Variants in FHIT observed in about 807,000 individuals in gnomAD.
The protein encoded by FHIT is fragile histidine triad diadenosine triphosphatase, also known as bis(5'-adenosyl)-triphosphatase.
Under a neutral mutation model 17.9 loss-of-function variants are expected in FHIT, and 19 were observed. That is an observed-to-expected ratio of 1.06 (90% CI 0.74 to 1.56). The LOEUF (loss-of-function observed/expected upper bound fraction) is 1.56, where lower values mean the gene tolerates loss of function less well. FHIT is among the 40% of genes most tolerant of loss of function. FHIT has a pLI of 0.00. For synonymous variants in FHIT, 81 were observed against 69.7 expected (o/e 1.16, Z -0.81); for missense variants, 248 against 189.2 (o/e 1.31, Z -1.82).
rs1208089442 is a variant in FHIT at position 60,676,905 on chromosome 3, C to T, written c.-17-139926G>A. Among the ~76,000 whole-genome samples the T allele has an allele frequency of 3.9e-5, 6 of 152,132 alleles. No individual in the cohort carries two copies. The East Asian group carries it at 9.6e-4, about 24-fold the overall frequency. Reference sequence around the variant, plus strand: ...TATTGTTGTTTTTGAGACAGGGTCTCATAATGTCACCTAGGCTGGAATGCC... The same window carrying T: ...TATTGTTGTTTTTGAGACAGGGTCTTATAATGTCACCTAGGCTGGAATGCC... On this transcript the variant is annotated intron_variant, in intron 4 of 9. Transcript: ENST00000492590.
intron 4 of FHIT, among the ~76,000 whole-genome samples, chr3:60,590,643 T>C (rs781985426): frequency 9.2e-5 from 14 of 152,158 alleles, no homozygotes; most frequent in Non-Finnish European, 1.8e-4. Flanking sequence ...ATTTTGCAAC[T>C]TCTGTGTGCA....
intron 3 of FHIT, among the ~76,000 whole-genome samples, chr3:60,913,736 A>C (rs1306199731): frequency 6.6e-6 from 1 of 152,196 alleles, no homozygotes; most frequent in African/African-American, 2.4e-5. Context: ...GCAAGATGCA[A>C]GCTGGCTTCC....
intron 8 of FHIT, among the ~76,000 whole-genome samples, chr3:59,846,351 T>G (rs1011208786): frequency 2.0e-5 from 3 of 152,148 alleles, no homozygotes; most frequent in Admixed American, 2.0e-4. Flanking sequence ...CAGCTTAACT[T>G]CTATAACATA....
chr3:60,190,870 G>C (rs1702373075), intron 5 of FHIT, among the ~76,000 whole-genome samples: 1 of 152,062 alleles, frequency 6.6e-6, no homozygotes, highest in African/African-American at 2.4e-5. Flanking sequence ...TTGAATCCGG[G>C]AGGTGGAGGT....
chr3:60,612,441 A>G (rs1553673995), intron 4 of FHIT, among the ~76,000 whole-genome samples: 2 of 152,226 alleles, frequency 1.3e-5, no homozygotes, highest in Non-Finnish European at 2.9e-5. Context: ...TTGTTAAAAC[A>G]AAAAGCAAAA....
intron 5 of FHIT, among the ~76,000 whole-genome samples, chr3:60,225,491 G>C (rs1704155242): frequency 6.6e-6 from 1 of 152,272 alleles, no homozygotes; most frequent in South Asian, 2.1e-4. Context: ...ATAAATGTCT[G>C]GGTATTAGGG....
At chr3:59,856,425 A>T (rs1210813463) in intron 8 of FHIT, among the ~76,000 whole-genome samples, 1 of 152,212 alleles carries the variant, frequency 6.6e-6, no homozygotes, top group Non-Finnish European at 1.5e-5. Flanking sequence ...CTTCCATATG[A>T]TAGAAAAAAA....
At chr3:60,739,676 A>T (rs2042204423) in intron 4 of FHIT, among the ~76,000 whole-genome samples, 1 of 152,202 alleles carries the variant, frequency 6.6e-6, no homozygotes, top group Non-Finnish European at 1.5e-5. Flanking sequence ...ACAACCAAAA[A>T]GTCTCCAGAC....
intron 5 of FHIT, among the ~76,000 whole-genome samples, chr3:60,229,963 C>G (rs1704412629): frequency 6.6e-6 from 1 of 152,188 alleles, no homozygotes; most frequent in Non-Finnish European, 1.5e-5. Context: ...GCCTGGCCAA[C>G]AGCACAAGAC....
intron 5 of FHIT, among the ~76,000 whole-genome samples, chr3:60,061,017 C>T (rs1702273657): frequency 6.6e-6 from 1 of 152,188 alleles, no homozygotes; most frequent in South Asian, 2.1e-4. Flanking sequence ...GGAAATCAAG[C>T]AAGGAGCTAT....
Position 60,669,678 on chromosome 3 carries a change from T to A in FHIT, c.-17-132699A>T, listed in dbSNP as rs1472064971. Among the ~76,000 whole-genome samples, 3 of 152,232 alleles carry A rather than the reference T, an allele frequency of 2.0e-5. No homozygotes were observed. The East Asian group carries it at 5.8e-4, about 29-fold the overall frequency. ...TGGCACAGAACAACATTGCTGGGAA[T>A]CCCCAAATAGACCTCACGAAAACAT... On this transcript the variant is annotated intron_variant, in intron 4 of 9. Coordinates refer to ENST00000492590, the MANE Select transcript of FHIT (RefSeq NM_002012.4).
intron 4 of FHIT, among the ~76,000 whole-genome samples, chr3:60,609,570 C>T (rs1553672630): frequency 6.6e-6 from 1 of 152,076 alleles, no homozygotes; most frequent in East Asian, 1.9e-4. Context: ...TGTGACTCAC[C>T]CACCTCGGCC....
intron 5 of FHIT, among the ~76,000 whole-genome samples, chr3:60,097,814 T>G (rs1282523809): frequency 1.3e-5 from 2 of 149,950 alleles, no homozygotes; most frequent in African/African-American, 2.4e-5. Flanking sequence ...GCTGCACCCA[T>G]TAACTCATCA....
intron 7 of FHIT, among the ~76,000 whole-genome samples, chr3:59,936,779 A>C (rs139698642): frequency 5.6e-4 from 85 of 152,262 alleles, no homozygotes; most frequent in Middle Eastern, 3.4e-3. Context: ...CATAGTAATT[A>C]TGGAGACAGC....
At chr3:60,244,291 A>G (rs1188914768) in intron 5 of FHIT, among the ~76,000 whole-genome samples, 1 of 152,096 alleles carries the variant, frequency 6.6e-6, no homozygotes, top group Non-Finnish European at 1.5e-5. Flanking sequence ...ATATACACAT[A>G]AATGTATGGG....
At chr3:61,181,146 A>G (rs1292547646) in intron 2 of FHIT, among the ~76,000 whole-genome samples, 3 of 152,196 alleles carry the variant, frequency 2.0e-5, no homozygotes, top group Non-Finnish European at 4.4e-5. Context: ...AATTATCTGA[A>G]GTCAATTAAT....
intron 2 of FHIT, among the ~76,000 whole-genome samples, chr3:61,090,056 G>A (rs2035432881): frequency 1.3e-5 from 2 of 152,156 alleles, no homozygotes; most frequent in African/African-American, 4.8e-5. Flanking sequence ...AATCAAAGAG[G>A]TTTTTATAAA....
intron 5 of FHIT, among the ~76,000 whole-genome samples, chr3:60,180,100 G>A (rs1701860052): frequency 6.6e-6 from 1 of 152,210 alleles, no homozygotes; most frequent in African/African-American, 2.4e-5. Context: ...AGCATGGAGA[G>A]CAGTGGTGTT....
At chr3:60,942,125 G>A (rs1467547019) in intron 3 of FHIT, among the ~76,000 whole-genome samples, 4 of 152,102 alleles carry the variant, frequency 2.6e-5, no homozygotes, top group African/African-American at 9.7e-5. Flanking sequence ...CTGGATTATA[G>A]GTGCCCACAG....
Sources: gnomAD v4.1 joint callset for allele counts (sites outside exome capture counted in the v4.1 genomes callset) on GRCh38, gnomAD v4.1.1 for gene constraint, MANE v1.5 for transcripts, NCBI Gene and HGNC (gene_info 2026-07-23, HGNC 2026-07-21) for gene names.